The following CCDC40 variants were observed in gnomAD, a reference collection of about 807,000 sequenced individuals.
CCDC40 encodes the protein coiled-coil domain-containing protein 40.
A neutral mutation model predicts 124.5 loss-of-function variants in CCDC40; 104 were observed. The ratio of observed to expected loss-of-function variants is 0.84; its 90% CI spans 0.71 to 0.98. The LOEUF is 0.98. CCDC40 is among the 50% of genes least tolerant of loss of function. The pLI is 0.00. For synonymous variants in CCDC40, 580 were observed against 602.9 expected, an observed-to-expected ratio of 0.96 and a Z score of 0.56; for missense variants, 1,463 against 1,503.9, an observed-to-expected ratio of 0.97 and a Z score of 0.45.
intron 12 of CCDC40, among the ~76,000 whole-genome samples, chr17:80,082,544 G>T (rs193190305): frequency 1.8e-3 from 269 of 152,208 alleles, no homozygotes; most frequent in African/African-American, 5.9e-3. Flanking sequence ...GCTACCACAG[G>T]CTCCACCATT....
intron 12 of CCDC40, among the ~76,000 whole-genome samples, chr17:80,083,166 C>T (rs558803739): frequency 1.5e-3 from 216 of 147,216 alleles, no homozygotes; most frequent in Non-Finnish European, 2.6e-3. Context: ...CCGGCTGTGA[C>T]GGGGAGGGAC....
chr17:80,042,312 G>A (rs922588597), intron 3 of CCDC40, among the ~76,000 whole-genome samples: 3 of 152,100 alleles, frequency 2.0e-5, no homozygotes, highest in African/African-American at 7.2e-5. Context: ...TAGAGATGGG[G>A]TTTCACCATG....
intron 3 of CCDC40, 111 bp from the exon 4 acceptor site, chr17:80,047,168 G>T: frequency 8.2e-7 from 1 of 1,222,166 alleles, no homozygotes; most frequent in Non-Finnish European, 1.2e-6. Flanking sequence ...AAACACACAG[G>T]TGACTATATT....
At position 80,090,235 on chromosome 17, in the gene CCDC40, G is replaced by T; in HGVS notation, c.2832+351G>T. The T allele has an allele frequency of 5.7e-6, 5 of 873,818 alleles. 1 individual carries two copies. The South Asian group carries it at 8.3e-5, about 14-fold the overall frequency. 54.1% of individuals were successfully genotyped at this position (873,818 alleles called of 1,614,324 possible). A position where few individuals can be genotyped will look rare whatever the true frequency, so the allele number is the denominator to read the frequency against. On this transcript the variant is annotated intron_variant, in intron 17 of 19. Coordinates refer to ENST00000397545, the MANE Select transcript of CCDC40 (RefSeq NM_017950.4). ...CACGAAGAACACGGGACGCGCGCAG[G>T]CACGTGCACGAACAACACGGGACGC...
At chr17:80,056,008 A>ATTTTT (rs1242487948) in intron 7 of CCDC40, among the ~76,000 whole-genome samples, 130 of 12,252 alleles carry the variant, frequency 0.011, 3 homozygotes, top group East Asian at 0.023. Context: ...ATATATATAT[A>ATTTTT]TATATATATT....
intron 4 of CCDC40, among the ~76,000 whole-genome samples, chr17:80,048,027 G>A (rs1271242562): frequency 6.6e-6 from 1 of 152,200 alleles, no homozygotes; most frequent in East Asian, 1.9e-4. Context: ...TCCCAGCCAA[G>A]GCCGGTGGAT....
chr17:80,067,428 T>G, intron 10 of CCDC40: 1 of 663,140 alleles, frequency 1.5e-6, no homozygotes, highest in Non-Finnish European at 2.7e-6. Context: ...TCACCCGGAG[T>G]CTTCCTTCCC....
intron 2 of CCDC40, 150 bp from the exon 3 acceptor site, chr17:80,039,662 A>G (rs1245936302): frequency 1.6e-5 from 16 of 988,940 alleles, no homozygotes; most frequent in African/African-American, 8.2e-5. Flanking sequence ...TGCCTGCCTC[A>G]GCCTCCCAAA....
chr17:80,084,598 G>T (rs2038534368), intron 12 of CCDC40, 145 bp from the exon 13 acceptor site: 1 of 951,240 alleles, frequency 1.1e-6, no homozygotes, highest in African/African-American at 1.6e-5. Context: ...GAGACAGTGG[G>T]AAATCCAGCC....
rs965480105 is a variant in CCDC40 at position 80,057,804 on chromosome 17, G to A, written c.1160-690G>A. On this transcript the variant is annotated intron_variant, in intron 7 of 19. Transcript: ENST00000397545. ...GGCAGGAGAATGGCGTGAACCCTGG[G>A]GGCGGAGCTTGCAGTGAGTCGAGAT... Among the ~76,000 whole-genome samples, 21 of 152,108 alleles carry A rather than the reference G, an allele frequency of 1.4e-4. No individual in the cohort carries two copies. The East Asian group carries it at 2.5e-3, about 18-fold the overall frequency.
intron 19 of CCDC40, chr17:80,097,920 G>GAAAAGAAAAGAA (rs2038840421): frequency 2.2e-5 from 1 of 44,512 alleles, no homozygotes; most frequent in African/African-American, 1.4e-4. Context: ...GAAAAGAAAA[G>GAAAAGAAAAGAA]AAAAGAAAAG....
At chr17:80,081,062 T>A (rs998729447) in intron 10 of CCDC40, among the ~76,000 whole-genome samples, 1 of 152,152 alleles carries the variant, frequency 6.6e-6, no homozygotes, top group African/African-American at 2.4e-5. Context: ...CCATAAAAAT[T>A]TTTTAAAGAT....
intron 10 of CCDC40, among the ~76,000 whole-genome samples, chr17:80,079,432 CTG>C (rs2038395345): frequency 1.3e-5 from 2 of 152,130 alleles, no homozygotes; most frequent in African/African-American, 4.8e-5. Context: ...GTTTCTTGTG[CTG>C]TGTCTTAGAG....
At chr17:80,071,473 C>T (rs1432660189) in intron 10 of CCDC40, among the ~76,000 whole-genome samples, 1 of 152,210 alleles carries the variant, frequency 6.6e-6, no homozygotes, top group Non-Finnish European at 1.5e-5. Flanking sequence ...GTGTCCCCCC[C>T]TTAATCCTCA....
At chr17:80,051,586 GC>G (rs543241272) in intron 7 of CCDC40, among the ~76,000 whole-genome samples, 8,327 of 125,140 alleles carry the variant, frequency 0.067, 853 homozygotes, top group African/African-American at 0.23. Context: ...CCGAGATCCC[GC>G]CACTGCACTC....
intron 10 of CCDC40, among the ~76,000 whole-genome samples, chr17:80,075,590 A>G (rs967021512): frequency 6.6e-6 from 1 of 152,118 alleles, no homozygotes; most frequent in Non-Finnish European, 1.5e-5. Context: ...TGGAACATGC[A>G]AAGCTCAGAG....
rs1166216145 is a variant in CCDC40, at chr17:80,058,810, C to A, written c.1318-48C>A. 1.9e-6 allele frequency: 3 copies of A among 1,613,522 alleles called. No individual in the cohort carries two copies. In the African/African-American group the frequency reaches 4.0e-5, roughly 22 times the overall value. ...CAAGGGTTGGTGGAGAACAGGCCCT[C>A]AGCCACGGGCACCTCCTGACGGGGC... On this transcript the variant is annotated intron_variant, in intron 8 of 19. Coordinates refer to ENST00000397545, the MANE Select transcript of CCDC40 (RefSeq NM_017950.4). This position sits in a 1 kb window ranked among gnomAD's most constrained non-coding sequence, Gnocchi z 4.2.
chr17:80,067,937 G>A (rs931062681), intron 10 of CCDC40: 140 of 1,216,200 alleles, frequency 1.2e-4, no homozygotes, highest in Non-Finnish European at 1.3e-4. Flanking sequence ...CTATGTACAC[G>A]CACAAACACT....
chr17:80,095,997 C>T (rs898413277), intron 18 of CCDC40, among the ~76,000 whole-genome samples: 3 of 152,236 alleles, frequency 2.0e-5, no homozygotes, highest in South Asian at 2.1e-4. Context: ...TGGTGCTGTC[C>T]GGTGCTTACC....
Sources: gnomAD v4.1 joint callset for allele counts (sites outside exome capture counted in the v4.1 genomes callset) on GRCh38, gnomAD v4.1.1 for gene constraint, Gnocchi (gnomAD v3.1) non-coding constraint, MANE v1.5 for transcripts, NCBI Gene and HGNC (gene_info 2026-07-23, HGNC 2026-07-21) for gene names.